Variants in CAMK1D observed in about 807,000 individuals in gnomAD.
The protein encoded by CAMK1D is calcium/calmodulin-dependent protein kinase type 1D.
In CAMK1D, 9 loss-of-function variants were observed where a neutral mutation model predicts 47.7. The observed-to-expected ratio is 0.19, with a 90% CI of 0.11 to 0.33. The LOEUF is 0.33. Ranked by LOEUF, CAMK1D falls within the 10% of genes least tolerant of loss-of-function variation. The pLI, the probability that CAMK1D is intolerant of heterozygous loss-of-function variation, is 1.00. For synonymous variants in CAMK1D, 184 were observed against 184.9 expected (o/e 0.99, Z 0.04); for missense variants, 291 against 488.7 (o/e 0.60, Z 3.81).
Position 12,761,098 on chromosome 10 carries a change from G to T in CAMK1D, c.438+12G>T, listed in dbSNP as rs370460985. ...ACAGAGACCTCAAGGTGAGGCCATC[G>T]CTCAGCAGCATCCTGCAGCCACTCT... On this transcript the variant is annotated intron_variant, in intron 4 of 10. Coordinates refer to ENST00000619168, the MANE Select transcript of CAMK1D (RefSeq NM_153498.4). 1.2e-6 allele frequency: 2 copies of T among 1,611,064 alleles called. No homozygotes were observed. Among genetic ancestry groups the T allele is most frequent in the African/African-American group, 1.3e-5 (1 of 74,878 alleles).
intron 5 of CAMK1D, among the ~76,000 whole-genome samples, chr10:12,770,952 A>G (rs1283350951): frequency 6.6e-6 from 1 of 151,998 alleles, no homozygotes; most frequent in Non-Finnish European, 1.5e-5. Context: ...GTGGTAGGGT[A>G]CTGAATCTAG....
Position 12,604,283 on chromosome 10 carries a change from G to C in CAMK1D, c.224+50927G>C, listed in dbSNP as rs59336224. On this transcript the variant is annotated intron_variant, in intron 2 of 10. Coordinates refer to ENST00000619168, the MANE Select transcript of CAMK1D (RefSeq NM_153498.4). Reference sequence around the variant, plus strand: ...ACACAGGCAATGCAGGGAGATGGGGGTTGCGCAAACAATTCAGGTACAAAT... The same window carrying C: ...ACACAGGCAATGCAGGGAGATGGGGCTTGCGCAAACAATTCAGGTACAAAT... Among the ~76,000 whole-genome samples the C allele has an allele frequency of 3.6e-3, 551 of 152,264 alleles. 4 individuals carry two copies. The East Asian group carries it at 0.049, about 14-fold the overall frequency.
intron 2 of CAMK1D, among the ~76,000 whole-genome samples, chr10:12,641,141 G>A (rs1273314169): frequency 6.6e-6 from 1 of 151,930 alleles, no homozygotes; most frequent in Non-Finnish European, 1.5e-5. Context: ...GCTAATTTTT[G>A]TGTCTTTAGT....
At chr10:12,490,162 A>G (rs1834339809) in intron 1 of CAMK1D, among the ~76,000 whole-genome samples, 1 of 152,108 alleles carries the variant, frequency 6.6e-6, no homozygotes, top group South Asian at 2.1e-4. Flanking sequence ...CGCCCCCTCT[A>G]CCCAGCCCTG....
intron 3 of CAMK1D, among the ~76,000 whole-genome samples, chr10:12,734,348 ATATATATATATAT>A (rs1835044118): frequency 3.8e-4 from 2 of 5,328 alleles, no homozygotes; most frequent in Non-Finnish European, 9.0e-4. Flanking sequence ...AAAAAAAAAT[ATATATATATATAT>A]ATATATATAT....
chr10:12,674,201 A>G (rs1426758812), intron 3 of CAMK1D, among the ~76,000 whole-genome samples: 1 of 152,140 alleles, frequency 6.6e-6, no homozygotes, highest in Non-Finnish European at 1.5e-5. Flanking sequence ...CAGTCTCCCA[A>G]AGTGTTGGGA....
chr10:12,598,033 C>A (rs1838196129), intron 2 of CAMK1D, among the ~76,000 whole-genome samples: 1 of 152,302 alleles, frequency 6.6e-6, no homozygotes, highest in East Asian at 1.9e-4. Context: ...ATGGACGATG[C>A]CGTGAAACAC....
At chr10:12,669,681 A>T (rs1203632134) in intron 3 of CAMK1D, among the ~76,000 whole-genome samples, 1 of 152,086 alleles carries the variant, frequency 6.6e-6, no homozygotes, top group Non-Finnish European at 1.5e-5. Flanking sequence ...GACCCCTTCA[A>T]AGTCTTCTCT....
At chr10:12,487,460 C>T (rs1165031915) in intron 1 of CAMK1D, among the ~76,000 whole-genome samples, 1 of 152,244 alleles carries the variant, frequency 6.6e-6, no homozygotes, top group Non-Finnish European at 1.5e-5. Context: ...ATTTCATGGA[C>T]TGTCCTCTAA....
At chr10:12,595,656 C>G (rs1484693405) in intron 2 of CAMK1D, among the ~76,000 whole-genome samples, 1 of 152,170 alleles carries the variant, frequency 6.6e-6, no homozygotes, top group Non-Finnish European at 1.5e-5. Context: ...TCCCCTACCC[C>G]TTGACCATGT....
intron 2 of CAMK1D, among the ~76,000 whole-genome samples, chr10:12,639,044 C>G (rs1008155917): frequency 1.3e-5 from 2 of 152,230 alleles, no homozygotes; most frequent in East Asian, 3.8e-4. Context: ...ATACATAGCT[C>G]ATTCCTGGGC....
At chr10:12,723,730 TTTG>T (rs779519821) in intron 3 of CAMK1D, among the ~76,000 whole-genome samples, 9 of 152,292 alleles carry the variant, frequency 5.9e-5, no homozygotes, top group South Asian at 2.1e-4. Context: ...ATTAGCAGGT[TTTG>T]TTGTTGTTGT....
chr10:12,394,620 T>C (rs1438195386), intron 1 of CAMK1D, among the ~76,000 whole-genome samples: 1 of 152,132 alleles, frequency 6.6e-6, no homozygotes, highest in African/African-American at 2.4e-5. Flanking sequence ...ACACCAAAGA[T>C]AGATTTCTTA....
chr10:12,376,003 A>G (rs577198733), intron 1 of CAMK1D, among the ~76,000 whole-genome samples: 2 of 151,724 alleles, frequency 1.3e-5, no homozygotes, highest in South Asian at 4.2e-4. Context: ...TCTCTACGAA[A>G]AATACAAAAA....
chr10:12,655,728 A>T (rs548999866), intron 2 of CAMK1D, among the ~76,000 whole-genome samples: 1 of 152,356 alleles, frequency 6.6e-6, no homozygotes, highest in East Asian at 1.9e-4. Context: ...CATTCTAGAC[A>T]AGAGCAAATC....
chr10:12,665,227 G>A (rs1255066476), intron 2 of CAMK1D, among the ~76,000 whole-genome samples: 2 of 152,194 alleles, frequency 1.3e-5, no homozygotes, highest in African/African-American at 4.8e-5. Context: ...CAAAACAACT[G>A]CATTAACTAC....
chr10:12,726,418 C>G (rs1353146899), intron 3 of CAMK1D, among the ~76,000 whole-genome samples: 3 of 151,732 alleles, frequency 2.0e-5, no homozygotes, highest in Non-Finnish European at 4.4e-5. Flanking sequence ...AAGACTCTGT[C>G]TCAAAAAATA....
At chr10:12,520,947 AGGGGGAGGGGGAGG>A in intron 1 of CAMK1D, among the ~76,000 whole-genome samples, 4 of 69,406 alleles carry the variant, frequency 5.8e-5, no homozygotes, top group Admixed American at 1.8e-4. Flanking sequence ...AGGGAGAGGG[AGGGGGAGGGGGAGG>A]GGGAGGGGGA....
chr10:12,767,435 C>T (rs1363295877), intron 4 of CAMK1D, among the ~76,000 whole-genome samples: 1 of 152,106 alleles, frequency 6.6e-6, no homozygotes. Context: ...CCTCAGTCTC[C>T]CAAAGTGCTG....
Sources: gnomAD v4.1 joint callset for allele counts (sites outside exome capture counted in the v4.1 genomes callset) on GRCh38, gnomAD v4.1.1 for gene constraint, MANE v1.5 for transcripts, NCBI Gene and HGNC (gene_info 2026-07-23, HGNC 2026-07-21) for gene names.